The following BGN variants were observed in gnomAD, a reference collection of about 807,000 sequenced individuals.
BGN encodes the protein biglycan, also known as bone/cartilage proteoglycan-I.
In BGN, 6 loss-of-function variants were observed where a neutral mutation model predicts 20.0. The ratio of observed to expected loss-of-function variants is 0.30; its 90% CI spans 0.16 to 0.59. BGN has a LOEUF of 0.59. Among genes scored for constraint, BGN ranks in the 20% least tolerant of loss-of-function variants. BGN has a pLI of 0.88. For missense variants in BGN, 292 were observed against 312.1 expected (o/e 0.94, Z 0.49); for synonymous variants, 146 against 134.6 (o/e 1.08, Z -0.59).
At chrX:153,496,930 G>A (rs782305794) in intron 1 of BGN, among the ~76,000 whole-genome samples, 195 of 97,152 alleles carry the variant, frequency 2.0e-3, no homozygotes, top group African/African-American at 7.0e-3. Context: ...CCCACCTGCC[G>A]TCTCCTGTGC....
chrX:153,503,675 C>T (rs1329873261), intron 1 of BGN, among the ~76,000 whole-genome samples: 1 of 111,681 alleles, frequency 9.0e-6, no homozygotes, highest in Non-Finnish European at 1.9e-5. Flanking sequence ...GGGGCAGGCT[C>T]GGGCAGGGCT....
intron 5 of BGN, 42 bp from the exon 6 acceptor site, chrX:153,506,788 C>A (rs1556993268): frequency 1.7e-6 from 2 of 1,190,706 alleles, no homozygotes; most frequent in Non-Finnish European, 2.3e-6. Flanking sequence ...GGCCCCTGCC[C>A]TCAGCACCTG....
chrX:153,499,514 G>T (rs1455329798), intron 1 of BGN, among the ~76,000 whole-genome samples: 2 of 113,314 alleles, frequency 1.8e-5, no homozygotes, highest in African/African-American at 6.4e-5. Context: ...ATGAGCCGGG[G>T]TTTCCCAGCC....
At chrX:153,500,919 A>G (rs1391083290) in intron 1 of BGN, among the ~76,000 whole-genome samples, 1 of 108,613 alleles carries the variant, frequency 9.2e-6, no homozygotes, top group African/African-American at 3.4e-5. Flanking sequence ...ATGTGTGTAT[A>G]TGTGTATCAT....
chrX:153,501,178 G>A (rs1361324773), intron 1 of BGN, among the ~76,000 whole-genome samples: 1 of 110,945 alleles, frequency 9.0e-6, no homozygotes, highest in African/African-American at 3.3e-5. Context: ...GCGTGTATGT[G>A]TGCATCTGTG....
In BGN at chrX:153,504,652, C is replaced by A; in HGVS notation, c.21C>A (p.Leu7=). The stretch of plus-strand genomic sequence containing the variant: ...CCGCCATGTGGCCCCTGTGGCGCCT[C>A]GTGTCTCTGCTGGCCCTGAGCCAGG... The part of the protein sequence containing the change: MWPLWR[L]VSLLALSQAL... The change falls in exon 2 of 8, where the codon CTC becomes CTA. Residue 7 remains leucine, a synonymous_variant. Coordinates refer to ENST00000331595, the MANE Select transcript of BGN (RefSeq NM_001711.6). 8.3e-7 allele frequency: 1 copy of A among 1,207,796 alleles called. No homozygotes were observed. The highest frequency in any genetic ancestry group is 1.8e-5 in the South Asian group (1 of 56,816).
At position 153,504,880 on chromosome X, in the gene BGN, G is replaced by C; in HGVS notation, c.238+11G>C. 4 of 1,184,040 alleles carry C rather than the reference G, an allele frequency of 3.4e-6. No homozygotes were observed. Among genetic ancestry groups the C allele is most frequent in the Non-Finnish European group, 3.4e-6 (3 of 879,207 alleles). Reference sequence around the variant, plus strand: ...AGTGCTCCGACCTGGGTTTGTCCCTGAGTGATGGGGAGCGGGGCATGCAGG... The same window carrying C: ...AGTGCTCCGACCTGGGTTTGTCCCTCAGTGATGGGGAGCGGGGCATGCAGG... On this transcript the variant is annotated intron_variant, in intron 2 of 7. Coordinates refer to ENST00000331595, the MANE Select transcript of BGN (RefSeq NM_001711.6).
intron 6 of BGN, 33 bp from the exon 7 acceptor site, chrX:153,507,014 G>A: frequency 8.3e-7 from 1 of 1,209,840 alleles, no homozygotes; most frequent in Non-Finnish European, 1.1e-6. Context: ...CTTACCTCCA[G>A]CCTTTGAGTC....
intron 1 of BGN, among the ~76,000 whole-genome samples, chrX:153,498,322 G>A (rs782265886): frequency 9.2e-4 from 104 of 112,752 alleles, no homozygotes; most frequent in African/African-American, 2.8e-3. Context: ...GGAGCATGGC[G>A]GGCAGACTCC....
chrX:153,505,443 C>T (rs1393481834), intron 3 of BGN, 93 bp downstream of exon 3: 5 of 765,393 alleles, frequency 6.5e-6, no homozygotes, highest in Admixed American at 6.5e-5. Context: ...GAGAGGGGTT[C>T]GGGGACTCGT....
chrX:153,507,896 T>C (rs1447438436), intron 7 of BGN, among the ~76,000 whole-genome samples: 10 of 113,097 alleles, frequency 8.8e-5, no homozygotes, highest in African/African-American at 2.9e-4. Flanking sequence ...CCAAGGGCTC[T>C]TTCTCCTCTC....
Position 153,507,775 on chromosome X carries a change from C to T in BGN, c.910-473C>T, listed in dbSNP as rs902769652. ...TCCCAGCCCAACCCAGCAGGCGCCTCGCCTGCCCACCTCCGCTCCTCCCAG... is the reference window on the plus strand; with the variant it reads ...TCCCAGCCCAACCCAGCAGGCGCCTTGCCTGCCCACCTCCGCTCCTCCCAG... On this transcript the variant is annotated intron_variant, in intron 7 of 7. Transcript: ENST00000331595. 4.4e-5 allele frequency among the ~76,000 whole-genome samples: 5 copies of T among 113,659 alleles called. No individual in the cohort carries two copies. The East Asian group carries it at 1.4e-3, about 32-fold the overall frequency.
At chrX:153,504,245 C>G in intron 1 of BGN, among the ~76,000 whole-genome samples, 1 of 112,756 alleles carries the variant, frequency 8.9e-6, no homozygotes, top group Non-Finnish European at 1.9e-5. Context: ...TCCACCTCCT[C>G]CACGCAGCCT....
intron 1 of BGN, among the ~76,000 whole-genome samples, chrX:153,498,570 C>T (rs1386852405): frequency 8.9e-6 from 1 of 112,689 alleles, no homozygotes; most frequent in Non-Finnish European, 1.9e-5. Context: ...AGGCTAATCC[C>T]AGCCCAGCCT....
At chrX:153,507,266 C>T (rs782166548) in intron 7 of BGN, 81 bp downstream of exon 7, 87 of 1,080,210 alleles carry the variant, frequency 8.1e-5, no homozygotes, top group Admixed American at 7.4e-4. Context: ...TCCCTCAGTC[C>T]CCTGGCCCTC....
At chrX:153,496,952 A>ACCCCCCC (rs2089720435) in intron 1 of BGN, among the ~76,000 whole-genome samples, 6 of 17,470 alleles carry the variant, frequency 3.4e-4, no homozygotes, top group African/African-American at 7.7e-4. Flanking sequence ...TCCCGGGCCC[A>ACCCCCCC]CCCCCCACCC....
intron 1 of BGN, among the ~76,000 whole-genome samples, chrX:153,502,366 G>A (rs2089766701): frequency 1.8e-5 from 2 of 111,879 alleles, no homozygotes; most frequent in South Asian, 3.7e-4. Context: ...GCATCGGCAA[G>A]GAGGGGCAGG....
intron 3 of BGN, 40 bp downstream of exon 3, chrX:153,505,390 G>A (rs1556992840): frequency 8.9e-7 from 1 of 1,121,363 alleles, no homozygotes; most frequent in Admixed American, 2.2e-5. Flanking sequence ...ACAGCAGAGG[G>A]CAGGGGTCCG....
intron 1 of BGN, among the ~76,000 whole-genome samples, chrX:153,499,719 C>A (rs985169003): frequency 7.1e-5 from 8 of 113,199 alleles, no homozygotes; most frequent in Non-Finnish European, 1.5e-4. Flanking sequence ...GTACACATCC[C>A]CTCTCTGGTT....
Sources: gnomAD v4.1 joint callset for allele counts (sites outside exome capture counted in the v4.1 genomes callset) on GRCh38, gnomAD v4.1.1 for gene constraint, MANE v1.5 for transcripts, NCBI Gene and HGNC (gene_info 2026-07-23, HGNC 2026-07-21) for gene names.